UPF2: variants seen among roughly 807,000 people sequenced by gnomAD.
UPF2 encodes the protein UPF2 regulator of nonsense mediated mRNA decay.
UPF2 carries 17 observed loss-of-function variants against 141.4 expected under a neutral mutation model. That is an observed-to-expected ratio of 0.12 (90% CI 0.08 to 0.18). The LOEUF (loss-of-function observed/expected upper bound fraction) is 0.18, where lower values mean the gene tolerates loss of function less well. Ranked by LOEUF, UPF2 falls within the 10% of genes least tolerant of loss-of-function variation. The probability of loss-of-function intolerance (pLI) is 1.00; values close to 1 mark genes in which losing one functional copy is unlikely to be tolerated. For missense variants in UPF2, 1,152 were observed against 1,515.9 expected, an observed-to-expected ratio of 0.76 and a Z score of 3.99; for synonymous variants, 540 against 498.0, an observed-to-expected ratio of 1.08 and a Z score of -1.12.
At chr10:11,923,470 CAGG>C (rs1173176796) in intron 21 of UPF2, among the ~76,000 whole-genome samples, 1 of 151,796 alleles carries the variant, frequency 6.6e-6, no homozygotes, top group Non-Finnish European at 1.5e-5. Flanking sequence ...ATCATGAGGT[CAGG>C]AGTTCAAGAC....
At chr10:11,957,797 A>G (rs1392433151) in intron 12 of UPF2, among the ~76,000 whole-genome samples, 1 of 152,182 alleles carries the variant, frequency 6.6e-6, no homozygotes, top group Non-Finnish European at 1.5e-5. Flanking sequence ...GCTCATAGGC[A>G]TGAGCCACTA....
At chr10:11,958,908 G>A (rs1466595840) in intron 12 of UPF2, among the ~76,000 whole-genome samples, 1 of 152,028 alleles carries the variant, frequency 6.6e-6, no homozygotes, top group Non-Finnish European at 1.5e-5. Flanking sequence ...CAGAGAGAAA[G>A]TAATAATTTC....
chr10:11,934,879 T>C (rs957322511), intron 19 of UPF2, among the ~76,000 whole-genome samples: 23 of 152,288 alleles, frequency 1.5e-4, no homozygotes, highest in Admixed American at 7.2e-4. Flanking sequence ...TGAGCCACTA[T>C]GCCCGGCCAC....
intron 10 of UPF2, among the ~76,000 whole-genome samples, chr10:11,966,783 C>T (rs1472963987): frequency 2.0e-5 from 3 of 152,170 alleles, no homozygotes; most frequent in Non-Finnish European, 4.4e-5. Context: ...AACTTAATTA[C>T]CCCTTGGAAG....
In UPF2 at chr10:11,997,654, C is replaced by A. The variant is rs755920116; in HGVS notation, c.1844+18G>T. 40 of 1,609,842 alleles carry A rather than the reference C, an allele frequency of 2.5e-5. No homozygotes were observed. In the South Asian group the frequency reaches 4.2e-4, roughly 17 times the overall value. ...ACAGAGTAAAAACACTAATAAATTT[C>A]TCTTTCATAACACTTACCTTTGTCT... On this transcript the variant is annotated intron_variant, in intron 8 of 21. Transcript: ENST00000357604.
At chr10:12,010,248 A>C (rs771781332) in intron 4 of UPF2, among the ~76,000 whole-genome samples, 8 of 152,200 alleles carry the variant, frequency 5.3e-5, no homozygotes, top group Non-Finnish European at 8.8e-5. Context: ...GCAGCCAAAG[A>C]AGTAGAAAAA....
intron 8 of UPF2, among the ~76,000 whole-genome samples, chr10:11,988,412 A>T (rs537022954): frequency 6.6e-6 from 1 of 152,338 alleles, no homozygotes; most frequent in East Asian, 1.9e-4. Context: ...CCTGGGCTCA[A>T]CTGATCCTCC....
chr10:11,981,895 A>T (rs1167755664), intron 8 of UPF2, among the ~76,000 whole-genome samples: 1 of 152,214 alleles, frequency 6.6e-6, no homozygotes, highest in African/African-American at 2.4e-5. Flanking sequence ...CATATTGGCC[A>T]GGCTGGTCTT....
At chr10:12,023,324 T>A (rs1435167023) in intron 3 of UPF2, among the ~76,000 whole-genome samples, 1 of 152,108 alleles carries the variant, frequency 6.6e-6, no homozygotes, top group Non-Finnish European at 1.5e-5. Context: ...ATGACATTTT[T>A]AAATTTATAA....
chr10:12,031,988 T>C (rs1475236209), intron 2 of UPF2, among the ~76,000 whole-genome samples: 1 of 152,126 alleles, frequency 6.6e-6, no homozygotes, highest in Non-Finnish European at 1.5e-5. Flanking sequence ...GCAGTGAAAG[T>C]ACATTTTAAG....
intron 3 of UPF2, among the ~76,000 whole-genome samples, chr10:12,017,467 C>T (rs1156688768): frequency 4.6e-5 from 7 of 152,276 alleles, no homozygotes; most frequent in Admixed American, 1.3e-4. Context: ...TGTGACTTTG[C>T]GCTGAGTCCA....
chr10:12,026,567 C>T, intron 3 of UPF2: 1 of 439,532 alleles, frequency 2.3e-6, no homozygotes, highest in Non-Finnish European at 4.5e-6. Flanking sequence ...TGGTAAAGGG[C>T]CACCTTTCCT....
chr10:12,024,931 CAAAAAAAAAAAA>C (rs61678431), intron 3 of UPF2, among the ~76,000 whole-genome samples: 1 of 53,486 alleles, frequency 1.9e-5, no homozygotes, highest in African/African-American at 7.7e-5. Flanking sequence ...GACCCTGTTA[CAAAAAAAAAAAA>C]AAAAAAAAAA....
At position 11,964,072 on chromosome 10, in the gene UPF2, C is replaced by T. The variant is rs780499411; in HGVS notation, c.2121G>A (p.Leu707=). Residue 707 remains leucine (L), a synonymous_variant, in exon 11 of 22, where the codon CTG becomes CTA. Coordinates refer to ENST00000357604, the MANE Select transcript of UPF2 (RefSeq NM_015542.4). ...HHHIEMACTL[L]ETCGRFLFRS... is the part of the protein sequence containing the mutation. ...TGAAAAGAAACCGTCCACATGTCTC[C>T]AGCAGGGTGCATGCCATTTCAATAT... The T allele has an allele frequency of 1.9e-6, 3 of 1,613,882 alleles. No homozygotes were observed. The highest frequency in any genetic ancestry group is 2.5e-6 in the Non-Finnish European group (3 of 1,179,942).
rs190853108 is a variant in UPF2 at position 11,992,744 on chromosome 10, T to C, written c.1844+4928A>G. 2.0e-4 allele frequency among the ~76,000 whole-genome samples: 31 copies of C among 152,176 alleles called. No homozygotes were observed. The East Asian group carries it at 3.3e-3, about 16-fold the overall frequency. On this transcript the variant is annotated intron_variant, in intron 8 of 21. Transcript: ENST00000357604. This position sits in a 1 kb window ranked among gnomAD's most constrained non-coding sequence, Gnocchi z 4.1. ...TGTCTGAGAGTAAAATTCAATTCAA[T>C]TGTACATAAAAGAGACTCAACTAAA...
chr10:11,976,498 A>C (rs1484910972), intron 9 of UPF2, among the ~76,000 whole-genome samples: 1 of 152,240 alleles, frequency 6.6e-6, no homozygotes, highest in Non-Finnish European at 1.5e-5. Context: ...TGGGAAATAC[A>C]GAAGCAGATT....
chr10:12,038,736 C>CA (rs1358603953), intron 1 of UPF2, among the ~76,000 whole-genome samples: 18 of 148,890 alleles, frequency 1.2e-4, no homozygotes, highest in Middle Eastern at 3.2e-3. Context: ...CTCAAAAATA[C>CA]AAAAAAAAAC....
intron 18 of UPF2, among the ~76,000 whole-genome samples, chr10:11,938,353 A>AAT (rs1469960279): frequency 2.0e-5 from 3 of 152,062 alleles, no homozygotes; most frequent in Admixed American, 6.6e-5. Context: ...TTTCTATCAC[A>AAT]ATGTGACATC....
At chr10:11,997,632 G>T (rs764227950) in intron 8 of UPF2, 40 bp downstream of exon 8, 1 of 1,577,208 alleles carries the variant, frequency 6.3e-7, no homozygotes, top group Admixed American at 1.7e-5. Flanking sequence ...CAGCACTACA[G>T]AGTAAAAACA....
Sources: gnomAD v4.1 joint callset for allele counts (sites outside exome capture counted in the v4.1 genomes callset) on GRCh38, gnomAD v4.1.1 for gene constraint, Gnocchi (gnomAD v3.1) non-coding constraint, MANE v1.5 for transcripts, NCBI Gene and HGNC (gene_info 2026-07-23, HGNC 2026-07-21) for gene names.